Variants in PHACTR3 observed in about 807,000 individuals in gnomAD.
PHACTR3 encodes protein phosphatase 1, regulatory subunit 123.
PHACTR3 carries 16 observed loss-of-function variants against 66.8 expected under a neutral mutation model. The ratio of observed to expected loss-of-function variants is 0.24; its 90% CI spans 0.16 to 0.36. PHACTR3 has a LOEUF of 0.36. Among genes scored for constraint, PHACTR3 ranks in the 10% least tolerant of loss-of-function variants. PHACTR3 has a pLI of 1.00. For missense variants in PHACTR3, 647 were observed against 719.9 expected (o/e 0.90, Z 1.16); for synonymous variants, 323 against 292.1 (o/e 1.11, Z -1.08).
At chr20:59,756,967 C>T (rs568358567) in intron 4 of PHACTR3, among the ~76,000 whole-genome samples, 1 of 152,208 alleles carries the variant, frequency 6.6e-6, no homozygotes, top group Non-Finnish European at 1.5e-5. Context: ...ACTCATCTGA[C>T]AAAGGGCTAA....
chr20:59,580,118 G>T (rs532865422), intron 1 of PHACTR3, among the ~76,000 whole-genome samples: 2 of 152,274 alleles, frequency 1.3e-5, no homozygotes, highest in East Asian at 3.9e-4. Context: ...CTTAAAGGAG[G>T]TCACTTGGGA....
At chr20:59,812,781 C>T (rs2041774331) in intron 8 of PHACTR3, among the ~76,000 whole-genome samples, 2 of 152,186 alleles carry the variant, frequency 1.3e-5, no homozygotes, top group African/African-American at 4.8e-5. Context: ...CATAATGACA[C>T]CACTAATAGC....
chr20:59,845,076 T>C, intron 11 of PHACTR3, 113 bp from the exon 12 acceptor site: 1 of 642,698 alleles, frequency 1.6e-6, no homozygotes, highest in East Asian at 3.0e-5. Flanking sequence ...TTTTTTTCTG[T>C]ATATTACATA....
intron 1 of PHACTR3, among the ~76,000 whole-genome samples, chr20:59,630,995 GACC>G (rs2034640528): frequency 6.6e-6 from 1 of 152,202 alleles, no homozygotes; most frequent in Non-Finnish European, 1.5e-5. Context: ...GAGTTGAAGT[GACC>G]ACCACCAGGG....
intron 1 of PHACTR3, among the ~76,000 whole-genome samples, chr20:59,655,126 T>C (rs2035576358): frequency 6.6e-6 from 1 of 152,074 alleles, no homozygotes; most frequent in South Asian, 2.1e-4. Context: ...GGTAGGTTTA[T>C]GTTTAAAAAG....
At chr20:59,759,941 G>C (rs2039938727) in intron 4 of PHACTR3, among the ~76,000 whole-genome samples, 2 of 152,180 alleles carry the variant, frequency 1.3e-5, no homozygotes, top group Non-Finnish European at 2.9e-5. Flanking sequence ...CCCAGAACAT[G>C]GTGCCCCGTG....
chr20:59,703,150 G>A lies in PHACTR3; in HGVS notation c.119-39957G>A, dbSNP rs77166623. On this transcript the variant is annotated intron_variant, in intron 1 of 12. Coordinates refer to ENST00000371015, the MANE Select transcript of PHACTR3 (RefSeq NM_080672.5). ...TAGTTTTGAACAGGTCCTGAAATTTGCCGACATAATTCCCATTTTCTTGTC... is the reference window on the plus strand; with the variant it reads ...TAGTTTTGAACAGGTCCTGAAATTTACCGACATAATTCCCATTTTCTTGTC... Among the ~76,000 whole-genome samples the A allele has an allele frequency of 9.2e-5, 14 of 152,260 alleles. No homozygotes were observed. The East Asian group carries it at 2.7e-3, about 29-fold the overall frequency.
intron 8 of PHACTR3, among the ~76,000 whole-genome samples, chr20:59,811,129 G>T (rs1234985213): frequency 6.6e-6 from 1 of 152,244 alleles, no homozygotes; most frequent in Non-Finnish European, 1.5e-5. Context: ...AAGGTAACTG[G>T]CCCAGGGCCA....
At chr20:59,743,744 G>A (rs547252356) in intron 2 of PHACTR3, among the ~76,000 whole-genome samples, 1 of 152,310 alleles carries the variant, frequency 6.6e-6, no homozygotes, top group East Asian at 1.9e-4. Context: ...TGCAGGTTTA[G>A]TTGGCCAAGA....
chr20:59,799,682 TGTTCTTTATAG>T (rs2041356267), intron 7 of PHACTR3, among the ~76,000 whole-genome samples: 1 of 152,138 alleles, frequency 6.6e-6, no homozygotes, highest in Admixed American at 6.5e-5. Context: ...ATAGTTTTGT[TGTTCTTTATAG>T]GTTCTTTATA....
chr20:59,605,194 G>T lies in PHACTR3; in HGVS notation c.118+62G>T, dbSNP rs574341370. 15 of 1,160,568 alleles carry T rather than the reference G, an allele frequency of 1.3e-5. No individual in the cohort carries two copies. The South Asian group carries it at 4.3e-4, about 33-fold the overall frequency. The allele number at this position is 1,160,568 out of a possible 1,614,324, so 71.9% of individuals were successfully genotyped here. A position where few individuals can be genotyped will look rare whatever the true frequency, so the allele number is the denominator to read the frequency against. ...AGGCCCGAGGCAGGTGGCGCTGAGAGCAGGACCCCGCGAGGCTCCGCGCCC... is the reference window on the plus strand; with the variant it reads ...AGGCCCGAGGCAGGTGGCGCTGAGATCAGGACCCCGCGAGGCTCCGCGCCC... On this transcript the variant is annotated intron_variant, in intron 1 of 12. Coordinates refer to ENST00000371015, the MANE Select transcript of PHACTR3 (RefSeq NM_080672.5).
chr20:59,665,979 C>T (rs927859800), intron 1 of PHACTR3, among the ~76,000 whole-genome samples: 2 of 152,114 alleles, frequency 1.3e-5, no homozygotes, highest in African/African-American at 4.8e-5. Flanking sequence ...AGCTGCTGGG[C>T]ACTAGTGGTT....
intron 1 of PHACTR3, among the ~76,000 whole-genome samples, chr20:59,741,844 C>A (rs1379625596): frequency 6.6e-6 from 1 of 151,852 alleles, no homozygotes; most frequent in Admixed American, 6.6e-5. Flanking sequence ...CTCACTGCAA[C>A]CTTTGCCTCC....
intron 1 of PHACTR3, among the ~76,000 whole-genome samples, chr20:59,670,072 G>T (rs187004370): frequency 1.1e-3 from 174 of 152,322 alleles, no homozygotes; most frequent in African/African-American, 3.8e-3. Flanking sequence ...TGTGAACTAG[G>T]CAGGTAAGAC....
rs1177081956 is a variant in PHACTR3 at position 59,727,047 on chromosome 20, T to C, written c.119-16060T>C. The stretch of plus-strand genomic sequence containing the variant: ...ATCACTGCTGTCTAATTCCAGAACC[T>C]TTCATCACCTACAAGGAAATTGTGT... On this transcript the variant is annotated intron_variant, in intron 1 of 12. Coordinates refer to ENST00000371015, the MANE Select transcript of PHACTR3 (RefSeq NM_080672.5). Among the ~76,000 whole-genome samples the C allele has an allele frequency of 2.6e-5, 4 of 152,182 alleles. 1 individual carries two copies. The highest frequency in any genetic ancestry group is 9.6e-5 in the African/African-American group (4 of 41,460).
intron 11 of PHACTR3, 28 bp downstream of exon 11, chr20:59,841,563 G>T (rs779933898): frequency 6.3e-7 from 1 of 1,596,674 alleles, no homozygotes; most frequent in Admixed American, 1.8e-5. Context: ...CTGGTGGGGG[G>T]TGTTGGATGA....
chr20:59,652,612 T>G (rs2035492601), intron 1 of PHACTR3, among the ~76,000 whole-genome samples: 1 of 152,192 alleles, frequency 6.6e-6, no homozygotes, highest in Non-Finnish European at 1.5e-5. Flanking sequence ...CTCTATAATT[T>G]CCATTAGATT....
At chr20:59,693,069 C>A (rs1306990001) in intron 1 of PHACTR3, among the ~76,000 whole-genome samples, 3 of 152,174 alleles carry the variant, frequency 2.0e-5, no homozygotes, top group Non-Finnish European at 4.4e-5. Context: ...ACCGTCATGA[C>A]CACCTGTGTG....
chr20:59,749,182 G>A (rs2039486639), intron 3 of PHACTR3, among the ~76,000 whole-genome samples: 1 of 152,054 alleles, frequency 6.6e-6, no homozygotes, highest in South Asian at 2.1e-4. Context: ...TCACTGGGAT[G>A]GGACAAAAAA....
Sources: allele counts gnomAD v4.1 joint callset (sites outside exome capture counted in the v4.1 genomes callset), GRCh38; gene constraint gnomAD v4.1.1; transcripts MANE v1.5; gene names NCBI Gene and HGNC (gene_info 2026-07-23, HGNC 2026-07-21).